The following CDH1 variants were observed in gnomAD, a reference collection of about 807,000 sequenced individuals.
The protein encoded by CDH1 is cadherin-1.
Under a neutral mutation model 84.5 loss-of-function variants are expected in CDH1, and 35 were observed. The observed-to-expected ratio is 0.41, with a 90% confidence interval of 0.32 to 0.55. The LOEUF (loss-of-function observed/expected upper bound fraction) is 0.55. Among genes scored for constraint, CDH1 ranks in the 20% least tolerant of loss-of-function variants. The probability of loss-of-function intolerance (pLI) is 0.19; values close to 1 mark genes in which losing one functional copy is unlikely to be tolerated. For missense variants in CDH1, 994 were observed against 1,126.6 expected, an observed-to-expected ratio of 0.88 and a Z score of 1.68; for synonymous variants, 417 against 439.0, an observed-to-expected ratio of 0.95 and a Z score of 0.63.
Position 68,813,348 on chromosome 16 carries a change from C to T in CDH1, c.1173C>T (p.Val391=), listed in dbSNP as rs148080550. 2.9e-5 allele frequency: 46 copies of T among 1,614,030 alleles called. 1 individual carries two copies. Among genetic ancestry groups the T allele is most frequent in the South Asian group, 1.2e-4 (11 of 91,078 alleles). Residue 391 remains valine (V), a synonymous_variant, in exon 9 of 16, where the codon GTC becomes GTT. Coordinates refer to ENST00000261769, the MANE Select transcript of CDH1 (RefSeq NM_004360.5). ...KGQVPENEAN[V]VITTLKVTDA... is the part of the protein sequence containing the mutation. ...AGGTGCCTGAGAACGAGGCTAACGT[C>T]GTAATCACCACACTGAAAGTGACTG...
At chr16:68,773,567 G>GGGATTACA in intron 2 of CDH1, among the ~76,000 whole-genome samples, 1 of 152,336 alleles carries the variant, frequency 6.6e-6, no homozygotes, top group South Asian at 2.1e-4. Context: ...CCAAAGTGCT[G>GGGATTACA]GGATTACAGG....
chr16:68,810,130 G>T (rs1246968231), intron 5 of CDH1, 67 bp from the exon 6 acceptor site: 1 of 1,581,832 alleles, frequency 6.3e-7, no homozygotes, highest in East Asian at 2.2e-5. Context: ...CTCTGCTCTG[G>T]CTGGGCCCCT....
rs187862045 is a variant in CDH1, at chr16:68,813,471, C to G, written c.1296C>G (p.Asn432Lys). ...TCGTCACCACAAATCCAGTGAACAA[C>G]GATGGCATTTTGAAAACAGCAAAGG... is the stretch of plus-strand genomic sequence containing the variant. ...QFVVTTNPVNNDGILKTAKGL... is the reference protein window; with the variant it reads ...QFVVTTNPVNKDGILKTAKGL... The change falls in exon 9 of 16, where the codon AAC becomes AAG. Residue 432 changes from asparagine (N) to lysine (K), a missense_variant. Transcript: ENST00000261769. 11 of 1,614,028 alleles carry G rather than the reference C, an allele frequency of 6.8e-6. No homozygotes were observed. In the East Asian group the frequency reaches 2.0e-4, roughly 29 times the overall value.
intron 15 of CDH1, 80 bp downstream of exon 15, chr16:68,829,877 T>A (rs1961437220): frequency 1.4e-6 from 2 of 1,387,740 alleles, no homozygotes; most frequent in Non-Finnish European, 2.0e-6. Flanking sequence ...AGAAAAAGAG[T>A]CTTTAGATTC....
chr16:68,835,076 C>T lies in CDH1; in HGVS notation c.*1577C>T, dbSNP rs1328464837. On this transcript the variant is annotated 3_prime_UTR_variant, in exon 16 of 16. Transcript: ENST00000261769. ...TACAGAAAATGCTGGCTGAGCTGAA[C>T]ACATTTGCCCAATTCCAGGTGTGCA... is the stretch of plus-strand genomic sequence containing the variant. 4.3e-6 allele frequency: 1 copy of T among 231,840 alleles called. No homozygotes were observed. The highest frequency in any genetic ancestry group is 8.5e-6 in the Non-Finnish European group (1 of 117,202). 14.4% of individuals were successfully genotyped at this position (231,840 alleles called of 1,614,324 possible).
chr16:68,829,012 A>C (rs9927789), intron 14 of CDH1, among the ~76,000 whole-genome samples: 28,266 of 152,100 alleles, frequency 0.19, 4,256 homozygotes, highest in African/African-American at 0.42. Context: ...CGTATATTGT[A>C]TCAGTGAGCA....
chr16:68,765,690 C>CTTTTTTTTTTTT (rs5817651), intron 2 of CDH1: 2 of 146,204 alleles, frequency 1.4e-5, no homozygotes, highest in African/African-American at 2.5e-5. Context: ...GACCTGTCTC[C>CTTTTTTTTTTTT]TTTTTTTTTT....
chr16:68,780,881 T>G (rs1047697013), intron 2 of CDH1, among the ~76,000 whole-genome samples: 3 of 152,134 alleles, frequency 2.0e-5, no homozygotes, highest in Non-Finnish European at 4.4e-5. Flanking sequence ...CTGGGAAAAG[T>G]GAGTCTCTGG....
intron 3 of CDH1, among the ~76,000 whole-genome samples, chr16:68,806,209 T>C (rs555797640): frequency 2.0e-5 from 3 of 151,864 alleles, no homozygotes; most frequent in Admixed American, 1.3e-4. Context: ...TGGAGTGCAG[T>C]GGCATGATCT....
chr16:68,773,510 G>A (rs1959642533), intron 2 of CDH1, among the ~76,000 whole-genome samples: 1 of 152,172 alleles, frequency 6.6e-6, no homozygotes, highest in Admixed American at 6.5e-5. Context: ...TGTTGGCCAG[G>A]CTGGTCTCGA....
intron 2 of CDH1, among the ~76,000 whole-genome samples, chr16:68,757,418 A>G (rs1214123684): frequency 6.6e-6 from 1 of 151,854 alleles, no homozygotes; most frequent in African/African-American, 2.4e-5. Flanking sequence ...AGTTGTACTT[A>G]TTTTTCTTTG....
chr16:68,769,745 T>C (rs111251358), intron 2 of CDH1, among the ~76,000 whole-genome samples: 115 of 151,442 alleles, frequency 7.6e-4, no homozygotes, highest in Admixed American at 1.2e-3. Context: ...CCGGGCAACA[T>C]AGGGAGACCC....
chr16:68,764,734 G>T (rs992342316), intron 2 of CDH1, among the ~76,000 whole-genome samples: 1 of 152,200 alleles, frequency 6.6e-6, no homozygotes. Flanking sequence ...AGTGGTGGAG[G>T]AGGGATTCCA....
intron 2 of CDH1, among the ~76,000 whole-genome samples, chr16:68,786,950 A>G (rs1567494484): frequency 6.6e-6 from 1 of 152,156 alleles, no homozygotes; most frequent in Non-Finnish European, 1.5e-5. Context: ...CCACATTTGA[A>G]AGTAGTGCAA....
At chr16:68,751,118 A>G (rs920839167) in intron 2 of CDH1, among the ~76,000 whole-genome samples, 1 of 152,070 alleles carries the variant, frequency 6.6e-6, no homozygotes, top group Non-Finnish European at 1.5e-5. Flanking sequence ...TTCTCCATCC[A>G]TCAGTCAGAG....
intron 2 of CDH1, among the ~76,000 whole-genome samples, chr16:68,793,534 C>T (rs1960268739): frequency 6.6e-6 from 1 of 152,202 alleles, no homozygotes; most frequent in Non-Finnish European, 1.5e-5. Context: ...CATCAGACTA[C>T]AGCTTCCGTC....
At chr16:68,788,404 C>T (rs1960121891) in intron 2 of CDH1, among the ~76,000 whole-genome samples, 1 of 152,218 alleles carries the variant, frequency 6.6e-6, no homozygotes, top group South Asian at 2.1e-4. Flanking sequence ...AATACTTCCA[C>T]CACCTCCCAA....
chr16:68,740,943 G>GA (rs1268527144), intron 2 of CDH1, among the ~76,000 whole-genome samples: 2 of 151,754 alleles, frequency 1.3e-5, no homozygotes, highest in African/African-American at 4.8e-5. Flanking sequence ...TCAATAACCT[G>GA]AAAAAACAAA....
intron 2 of CDH1, among the ~76,000 whole-genome samples, chr16:68,752,017 T>A (rs1043425844): frequency 1.3e-5 from 2 of 150,822 alleles, no homozygotes; most frequent in Non-Finnish European, 3.0e-5. Flanking sequence ...AGTGGCTTGA[T>A]CTCGGCTCAC....
Sources: gnomAD v4.1 joint callset for allele counts (sites outside exome capture counted in the v4.1 genomes callset) on GRCh38, gnomAD v4.1.1 for gene constraint, MANE v1.5 for transcripts, NCBI Gene and HGNC (gene_info 2026-07-23, HGNC 2026-07-21) for gene names.